The following EXOC4 variants were observed in gnomAD, a reference collection of about 807,000 sequenced individuals.
EXOC4 encodes SEC8-like 1.
A neutral mutation model predicts 107.2 loss-of-function variants in EXOC4; 71 were observed. The ratio of observed to expected loss-of-function variants is 0.66; its 90% CI spans 0.55 to 0.81. The LOEUF is 0.81. Among genes scored for constraint, EXOC4 ranks in the 30% least tolerant of loss-of-function variants. The pLI is 0.00. For synonymous variants in EXOC4, 456 were observed against 441.2 expected, an observed-to-expected ratio of 1.03 and a Z score of -0.42; for missense variants, 1,108 against 1,189.6, an observed-to-expected ratio of 0.93 and a Z score of 1.01.
At chr7:133,341,264 T>C (rs1795654409) in intron 5 of EXOC4, among the ~76,000 whole-genome samples, 1 of 152,202 alleles carries the variant, frequency 6.6e-6, no homozygotes, top group Non-Finnish European at 1.5e-5. Context: ...AATTTTCAGA[T>C]TTCCATCTTG....
At chr7:133,362,421 A>G (rs1796155751) in intron 6 of EXOC4, among the ~76,000 whole-genome samples, 1 of 152,180 alleles carries the variant, frequency 6.6e-6, no homozygotes, top group Non-Finnish European at 1.5e-5. Flanking sequence ...GAATAATTCT[A>G]ACGCTGAGTC....
intron 7 of EXOC4, among the ~76,000 whole-genome samples, chr7:133,432,414 C>T (rs560079142): frequency 6.6e-6 from 1 of 152,068 alleles, no homozygotes; most frequent in African/African-American, 2.4e-5. Flanking sequence ...ATATAGTAGG[C>T]ATTTAATAGC....
intron 10 of EXOC4, among the ~76,000 whole-genome samples, chr7:133,673,741 T>A (rs1396384897): frequency 6.6e-6 from 1 of 152,214 alleles, no homozygotes. Flanking sequence ...TTGCCATTTT[T>A]AAGATGTTGA....
intron 7 of EXOC4, among the ~76,000 whole-genome samples, chr7:133,410,744 G>A (rs1277630614): frequency 6.6e-6 from 1 of 152,110 alleles, no homozygotes; most frequent in East Asian, 1.9e-4. Flanking sequence ...TGTTAGCTGT[G>A]AGTTTCTTTT....
At chr7:133,927,726 T>G (rs1800083884) in intron 13 of EXOC4, among the ~76,000 whole-genome samples, 1 of 152,182 alleles carries the variant, frequency 6.6e-6, no homozygotes, top group African/African-American at 2.4e-5. Context: ...AAAAATGCTT[T>G]ACTAAAATAT....
chr7:133,946,995 G>A (rs1426366317), intron 14 of EXOC4, among the ~76,000 whole-genome samples: 1 of 152,088 alleles, frequency 6.6e-6, no homozygotes, highest in Non-Finnish European at 1.5e-5. Context: ...CCTTAGTCTA[G>A]GAGACATATA....
intron 10 of EXOC4, among the ~76,000 whole-genome samples, chr7:133,781,997 T>C (rs888309): frequency 6.6e-6 from 1 of 152,072 alleles, no homozygotes; most frequent in African/African-American, 2.4e-5. Flanking sequence ...AATCATTTCT[T>C]TGTAATCCTA....
intron 16 of EXOC4, among the ~76,000 whole-genome samples, chr7:134,006,455 A>G (rs1794644909): frequency 6.6e-6 from 1 of 152,310 alleles, no homozygotes; most frequent in Admixed American, 6.5e-5. Context: ...ACTTTTCTTC[A>G]TATTCAAATA....
At chr7:133,916,759 G>T (rs1264837806) in intron 12 of EXOC4, among the ~76,000 whole-genome samples, 2 of 152,188 alleles carry the variant, frequency 1.3e-5, no homozygotes, top group African/African-American at 4.8e-5. Context: ...AGGAGAAGCA[G>T]CTAATTGGCA....
intron 9 of EXOC4, among the ~76,000 whole-genome samples, chr7:133,538,857 A>AGAGAGAGAG (rs1563101091): frequency 1.4e-5 from 1 of 72,162 alleles, no homozygotes; most frequent in African/African-American, 5.4e-5. Flanking sequence ...GAAAGAAAGA[A>AGAGAGAGAG]AGAGAGAGAG....
Position 133,261,780 on chromosome 7 carries a change from G to T in EXOC4, c.86+8593G>T, listed in dbSNP as rs1021260794. Among the ~76,000 whole-genome samples, 4 of 152,248 alleles carry T rather than the reference G, an allele frequency of 2.6e-5. No individual in the cohort carries two copies. The East Asian group carries it at 7.7e-4, about 29-fold the overall frequency. ...AAAATTCTTTTGAGTATTCCACTCA[G>T]TACCCTAAGAATTATGAAATTTTTT... On this transcript the variant is annotated intron_variant, in intron 1 of 17. Transcript: ENST00000253861.
intron 9 of EXOC4, chr7:133,576,356 A>G (rs1801126054): frequency 1.5e-6 from 1 of 675,938 alleles, no homozygotes; most frequent in Admixed American, 3.7e-5. Context: ...ACACCTTAAG[A>G]AAAGTGATTG....
At chr7:133,444,406 G>C (rs1563068390) in intron 7 of EXOC4, among the ~76,000 whole-genome samples, 1 of 152,102 alleles carries the variant, frequency 6.6e-6, no homozygotes, top group African/African-American at 2.4e-5. Flanking sequence ...TTTGTAACAG[G>C]TAACGTTTTA....
At chr7:133,472,859 C>A (rs1798917169) in intron 7 of EXOC4, among the ~76,000 whole-genome samples, 1 of 151,992 alleles carries the variant, frequency 6.6e-6, no homozygotes, top group South Asian at 2.1e-4. Flanking sequence ...GATAAGGGGA[C>A]TTTACTGATG....
intron 3 of EXOC4, among the ~76,000 whole-genome samples, chr7:133,290,670 G>A (rs1015442450): frequency 8.6e-5 from 13 of 151,978 alleles, no homozygotes; most frequent in South Asian, 2.1e-4. Flanking sequence ...TTTGTGTTAC[G>A]GTCTTTGTTC....
At chr7:133,359,814 T>C (rs979542030) in intron 6 of EXOC4, among the ~76,000 whole-genome samples, 3 of 152,212 alleles carry the variant, frequency 2.0e-5, no homozygotes, top group African/African-American at 7.2e-5. Context: ...CAGGATACTT[T>C]CCCAGCCAGT....
intron 10 of EXOC4, among the ~76,000 whole-genome samples, chr7:133,719,806 C>T (rs924413513): frequency 7.9e-5 from 12 of 152,076 alleles, no homozygotes; most frequent in African/African-American, 2.4e-4. Flanking sequence ...TTTAATGTAG[C>T]GAGCCAGAGT....
the EXOC4 span, among the ~76,000 whole-genome samples, chr7:134,077,321 C>T: frequency 6.6e-6 from 1 of 152,144 alleles, no homozygotes; most frequent in East Asian, 1.9e-4. Context: ...TCTATCAGGG[C>T]CTTCAACAAA....
intron 9 of EXOC4, among the ~76,000 whole-genome samples, chr7:133,530,062 G>A (rs1178829926): frequency 6.6e-6 from 1 of 152,090 alleles, no homozygotes; most frequent in African/African-American, 2.4e-5. Flanking sequence ...TATGCCCAAG[G>A]TCACATAGCC....
Sources: gnomAD v4.1 joint callset for allele counts (sites outside exome capture counted in the v4.1 genomes callset) on GRCh38, gnomAD v4.1.1 for gene constraint, MANE v1.5 for transcripts, NCBI Gene and HGNC (gene_info 2026-07-23, HGNC 2026-07-21) for gene names.